Variants in NEXMIF observed in about 807,000 individuals in gnomAD.
NEXMIF encodes XLMR protein related to neurite extension.
In NEXMIF, 8 loss-of-function variants were observed where a neutral mutation model predicts 62.1. The ratio of observed to expected loss-of-function variants is 0.13; its 90% CI spans 0.08 to 0.23. The LOEUF is 0.23. Among genes scored for constraint, NEXMIF ranks in the 10% least tolerant of loss-of-function variants. The probability of loss-of-function intolerance (pLI) is 1.00; values close to 1 mark genes in which losing one functional copy is unlikely to be tolerated. For missense variants in NEXMIF, 976 were observed against 1,113.3 expected (o/e 0.88, Z 1.75); for synonymous variants, 404 against 416.6 (o/e 0.97, Z 0.37).
chrX:74,846,176 C>T (rs1296080224), intron 1 of NEXMIF, among the ~76,000 whole-genome samples: 1 of 112,818 alleles, frequency 8.9e-6, no homozygotes, highest in African/African-American at 3.2e-5. Flanking sequence ...AGAGTGAAAC[C>T]ATCTTTAATT....
At chrX:74,851,684 C>T (rs2080514184) in intron 1 of NEXMIF, among the ~76,000 whole-genome samples, 1 of 111,305 alleles carries the variant, frequency 9.0e-6, no homozygotes, top group Admixed American at 9.5e-5. Context: ...CAAGCCAAAG[C>T]TGAGGGAATT....
intron 1 of NEXMIF, among the ~76,000 whole-genome samples, chrX:74,896,017 T>C (rs1249352873): frequency 9.0e-6 from 1 of 110,939 alleles, no homozygotes; most frequent in Admixed American, 9.6e-5. Flanking sequence ...AGTACCTAGG[T>C]TCAAATAAGT....
At chrX:74,911,005 G>A (rs2080787510) in intron 1 of NEXMIF, among the ~76,000 whole-genome samples, 1 of 111,606 alleles carries the variant, frequency 9.0e-6, no homozygotes, top group Non-Finnish European at 1.9e-5. Flanking sequence ...TAATACTGTG[G>A]CTTATAGGAA....
intron 1 of NEXMIF, among the ~76,000 whole-genome samples, chrX:74,792,320 T>C (rs1272970340): frequency 1.8e-5 from 2 of 108,177 alleles, no homozygotes; most frequent in African/African-American, 6.7e-5. Flanking sequence ...TCTAGTTTGA[T>C]TGCACTGTGG....
At chrX:74,754,336 T>C (rs1483160419) in intron 1 of NEXMIF, among the ~76,000 whole-genome samples, 25 of 104,025 alleles carry the variant, frequency 2.4e-4, no homozygotes, top group Non-Finnish European at 4.5e-4. Context: ...TGAGACGGAG[T>C]CTCACTCTAT....
chrX:74,808,399 C>G (rs1056099353), intron 1 of NEXMIF, among the ~76,000 whole-genome samples: 7 of 111,379 alleles, frequency 6.3e-5, no homozygotes, highest in Non-Finnish European at 1.3e-4. Context: ...GTGAGTGAGA[C>G]TCTGTCTCAA....
intron 1 of NEXMIF, among the ~76,000 whole-genome samples, chrX:74,756,955 T>C (rs1285268980): frequency 8.9e-6 from 1 of 111,816 alleles, no homozygotes; most frequent in East Asian, 2.8e-4. Flanking sequence ...GGAGAACTTC[T>C]AGGGGCTAGC....
intron 1 of NEXMIF, among the ~76,000 whole-genome samples, chrX:74,888,054 C>T (rs1010359557): frequency 7.3e-5 from 8 of 109,794 alleles, no homozygotes; most frequent in Admixed American, 2.9e-4. Context: ...AAACCAAACA[C>T]GGCATGTTCT....
intron 1 of NEXMIF, among the ~76,000 whole-genome samples, chrX:74,902,671 T>G (rs1398302460): frequency 8.9e-6 from 1 of 111,762 alleles, no homozygotes; most frequent in African/African-American, 3.3e-5. Context: ...ATGGACTTCT[T>G]GGCCTGCCAT....
At chrX:74,897,434 A>T (rs1013288168) in intron 1 of NEXMIF, among the ~76,000 whole-genome samples, 2 of 111,893 alleles carry the variant, frequency 1.8e-5, no homozygotes, top group Non-Finnish European at 3.8e-5. Context: ...TATGGGGATA[A>T]TTTTTTTCAT....
intron 1 of NEXMIF, among the ~76,000 whole-genome samples, chrX:74,873,494 G>A (rs2080613135): frequency 8.9e-6 from 1 of 111,963 alleles, no homozygotes; most frequent in East Asian, 2.8e-4. Context: ...AAAGTCCTTT[G>A]GGTATATACC....
At chrX:74,897,843 T>C (rs1348069320) in intron 1 of NEXMIF, among the ~76,000 whole-genome samples, 1 of 109,066 alleles carries the variant, frequency 9.2e-6, no homozygotes, top group African/African-American at 3.3e-5. Context: ...GACACAGGAG[T>C]CAACCAAAAA....
intron 1 of NEXMIF, among the ~76,000 whole-genome samples, chrX:74,799,444 T>A (rs981861494): frequency 9.0e-6 from 1 of 111,093 alleles, no homozygotes; most frequent in Non-Finnish European, 1.9e-5. Context: ...TACATCAAAT[T>A]AAAAATTAAA....
At chrX:74,784,802 A>G (rs749280411) in intron 1 of NEXMIF, among the ~76,000 whole-genome samples, 1 of 110,760 alleles carries the variant, frequency 9.0e-6, no homozygotes, top group East Asian at 2.9e-4. Flanking sequence ...TGGTAAGGGC[A>G]TTGTGTATGC....
At chrX:74,788,075 A>T (rs1425583177) in intron 1 of NEXMIF, among the ~76,000 whole-genome samples, 1 of 111,926 alleles carries the variant, frequency 8.9e-6, no homozygotes, top group East Asian at 2.8e-4. Context: ...TTACTTGGTA[A>T]ATTGAAATAA....
chrX:74,743,837 C>G lies in NEXMIF; in HGVS notation c.720G>C (p.Leu240=). The G allele has an allele frequency of 8.3e-7, 1 of 1,211,596 alleles. No homozygotes were observed. The highest frequency in any genetic ancestry group is 1.1e-6 in the Non-Finnish European group (1 of 895,486). Reference sequence around the variant, plus strand: ...CTTCTTCTGTATTGCACTTGTCTAACAGTAATGCCTCATAATAGCTTTTCT... The same window carrying G: ...CTTCTTCTGTATTGCACTTGTCTAAGAGTAATGCCTCATAATAGCTTTTCT... ...PAQKSYYEAL[L]LDKCNTEEAL... is the part of the protein sequence containing the mutation. Residue 240 remains leucine, a synonymous_variant, in exon 3 of 4, where the codon CTG becomes CTC. Coordinates refer to ENST00000055682, the MANE Select transcript of NEXMIF (RefSeq NM_001008537.3).
At position 74,879,494 on chromosome X, in the gene NEXMIF, G is replaced by A. The variant is rs190407621; in HGVS notation, c.-48+45389C>T. Among the ~76,000 whole-genome samples, 303 of 111,955 alleles carry A rather than the reference G, an allele frequency of 2.7e-3. 2 individuals are homozygous for A. In the East Asian group the frequency reaches 0.029, roughly 11 times the overall value. On this transcript the variant is annotated intron_variant, in intron 1 of 3. Transcript: ENST00000055682. ...GAATAAAGCAAAGAGAAAAATAAAG[G>A]GGAAAAGTTAATACATTTGGACAAT...
At chrX:74,851,962 A>G (rs2080515548) in intron 1 of NEXMIF, among the ~76,000 whole-genome samples, 1 of 111,588 alleles carries the variant, frequency 9.0e-6, no homozygotes, top group Admixed American at 9.5e-5. Flanking sequence ...GCCCTCACAT[A>G]TTAATAATAA....
At chrX:74,918,579 CA>C (rs1264285506) in intron 1 of NEXMIF, among the ~76,000 whole-genome samples, 2 of 111,689 alleles carry the variant, frequency 1.8e-5, no homozygotes, top group East Asian at 2.8e-4. Flanking sequence ...TTGACTCAAA[CA>C]AAAAAATCCA....
Sources: gnomAD v4.1 joint callset for allele counts (sites outside exome capture counted in the v4.1 genomes callset) on GRCh38, gnomAD v4.1.1 for gene constraint, MANE v1.5 for transcripts, NCBI Gene and HGNC (gene_info 2026-07-23, HGNC 2026-07-21) for gene names.